PTPRK: variants seen among roughly 807,000 people sequenced by gnomAD.
PTPRK encodes the protein protein tyrosine phosphatase receptor type K.
Under a neutral mutation model 178.0 loss-of-function variants are expected in PTPRK, and 75 were observed. The ratio of observed to expected loss-of-function variants is 0.42; its 90% CI spans 0.35 to 0.51. PTPRK has a LOEUF of 0.51. Among genes scored for constraint, PTPRK ranks in the 20% least tolerant of loss-of-function variants. The probability of loss-of-function intolerance (pLI) is 0.02; values close to 1 mark genes in which losing one functional copy is unlikely to be tolerated. For missense variants in PTPRK, 1,441 were observed against 1,797.8 expected (o/e 0.80, Z 3.59); for synonymous variants, 637 against 620.6 (o/e 1.03, Z -0.39).
chr6:128,289,810 A>G (rs563810278), intron 3 of PTPRK, among the ~76,000 whole-genome samples: 2 of 152,282 alleles, frequency 1.3e-5, no homozygotes, highest in East Asian at 3.9e-4. Flanking sequence ...TAGGTATTTC[A>G]TACTACCATA....
At chr6:128,502,835 A>G (rs937062004) in intron 1 of PTPRK, among the ~76,000 whole-genome samples, 2 of 152,158 alleles carry the variant, frequency 1.3e-5, no homozygotes, top group African/African-American at 4.8e-5. Flanking sequence ...GTGTGTTACT[A>G]TGCATCTCTT....
chr6:127,977,389 G>T (rs1241850075), intron 25 of PTPRK, among the ~76,000 whole-genome samples: 1 of 152,168 alleles, frequency 6.6e-6, no homozygotes, highest in East Asian at 1.9e-4. Flanking sequence ...CCTCTGTAAG[G>T]TTCCTGTTGG....
intron 15 of PTPRK, chr6:128,001,108 T>C: frequency 1.8e-6 from 2 of 1,114,014 alleles, no homozygotes; most frequent in Non-Finnish European, 2.6e-6. Flanking sequence ...CACGTACTAA[T>C]CATTATCCTT....
intron 15 of PTPRK, chr6:128,003,327 AT>A: frequency 8.4e-7 from 1 of 1,197,446 alleles, no homozygotes; most frequent in African/African-American, 1.5e-5. Flanking sequence ...TTCTTAAGAA[AT>A]ATAATTATTA....
chr6:128,238,555 T>C (rs1813783781), intron 5 of PTPRK, among the ~76,000 whole-genome samples: 1 of 152,178 alleles, frequency 6.6e-6, no homozygotes, highest in South Asian at 2.1e-4. Flanking sequence ...AGCTCACAAC[T>C]AAAGCCAAAT....
In PTPRK at chr6:128,325,715, TTGG is replaced by T. The variant is rs1343111236; in HGVS notation, c.224-3408_224-3406del. Among the ~76,000 whole-genome samples, 11 of 152,244 alleles carry T rather than the reference TTGG, an allele frequency of 7.2e-5. No individual in the cohort carries two copies. In the Middle Eastern group the frequency reaches 0.01, roughly 141 times the overall value. On this transcript the variant is annotated intron_variant, in intron 2 of 29. Coordinates refer to ENST00000368226, the MANE Select transcript of PTPRK (RefSeq NM_002844.4). ...GGAGAAATAGGATGTTTTTACACTG[TTGG>T]TGGGAGTGTAAATTAGTTCAACCAT...
At chr6:128,402,036 T>C (rs1313189521) in intron 1 of PTPRK, among the ~76,000 whole-genome samples, 1 of 152,168 alleles carries the variant, frequency 6.6e-6, no homozygotes, top group African/African-American at 2.4e-5. Flanking sequence ...TAAGCTAACT[T>C]TGTCATCTAT....
intron 6 of PTPRK, among the ~76,000 whole-genome samples, chr6:128,191,663 C>A (rs1338061339): frequency 1.3e-5 from 2 of 151,932 alleles, no homozygotes; most frequent in East Asian, 3.9e-4. Flanking sequence ...CAAAAGACCA[C>A]ATTGTACAAC....
chr6:128,138,563 C>T (rs1234276510), intron 7 of PTPRK, among the ~76,000 whole-genome samples: 2 of 152,102 alleles, frequency 1.3e-5, no homozygotes, highest in Admixed American at 1.3e-4. Flanking sequence ...GTTCACCACA[C>T]TGATTTTTTT....
chr6:128,281,125 T>G (rs1189382801), intron 3 of PTPRK, among the ~76,000 whole-genome samples: 1 of 152,180 alleles, frequency 6.6e-6, no homozygotes, highest in African/African-American at 2.4e-5. Flanking sequence ...GGCAGTTTGA[T>G]ATCCTGCTGA....
chr6:128,247,679 T>A (rs966715155), intron 3 of PTPRK, among the ~76,000 whole-genome samples: 2 of 152,192 alleles, frequency 1.3e-5, no homozygotes, highest in Admixed American at 1.3e-4. Flanking sequence ...AATTTCTTCT[T>A]CTATAAAGGA....
chr6:127,976,682 A>G lies in PTPRK; in HGVS notation c.3944T>C (p.Ile1315Thr). 1 of 1,614,062 alleles carries G rather than the reference A, an allele frequency of 6.2e-7. No individual in the cohort carries two copies. The highest frequency in any genetic ancestry group is 8.5e-7 in the Non-Finnish European group (1 of 1,179,984). ...TCTTGTTAGATTGCATATCCTAAAA[A>G]TCCGGTTGATCACATCACAGTCCAT... ...CSMDCDVINR[I>T]FRICNLTRPQ... is the part of the protein sequence containing the mutation. The change falls in exon 27 of 30, where the codon ATT (isoleucine) becomes ACT (threonine). Residue 1315 changes from isoleucine (I) to threonine (T), a missense_variant. By Grantham distance (89) the Ile-to-Thr change is moderately conservative. Transcript: ENST00000368226.
intron 1 of PTPRK, among the ~76,000 whole-genome samples, chr6:128,469,953 G>C (rs1265588368): frequency 6.6e-6 from 1 of 152,132 alleles, no homozygotes; most frequent in Non-Finnish European, 1.5e-5. Context: ...TAGCCCTGCA[G>C]ACCATTTTAT....
chr6:128,174,312 G>A (rs570503718), intron 7 of PTPRK, among the ~76,000 whole-genome samples: 1 of 151,930 alleles, frequency 6.6e-6, no homozygotes, highest in Non-Finnish European at 1.5e-5. Flanking sequence ...AAAGAAGAAG[G>A]AGTGGGGAGG....
At chr6:128,504,601 G>A (rs141376747) in intron 1 of PTPRK, among the ~76,000 whole-genome samples, 38 of 152,264 alleles carry the variant, frequency 2.5e-4, no homozygotes, top group Admixed American at 2.1e-3. Context: ...AGAATTAGCC[G>A]GGAAAGGGCA....
At chr6:127,992,569 AT>A (rs1335182829) in intron 19 of PTPRK, 103 bp downstream of exon 19, 31 of 953,916 alleles carry the variant, frequency 3.2e-5, no homozygotes, top group Admixed American at 5.5e-5. Flanking sequence ...AGAAGGGCTG[AT>A]TTTTTTGTTA....
intron 7 of PTPRK, among the ~76,000 whole-genome samples, chr6:128,124,971 C>T (rs1793103278): frequency 1.3e-5 from 2 of 152,208 alleles, no homozygotes; most frequent in South Asian, 2.1e-4. Flanking sequence ...CTAGAACTAC[C>T]ATTGACTCTC....
chr6:128,017,896 C>T (rs1343590963), intron 13 of PTPRK, among the ~76,000 whole-genome samples: 1 of 145,316 alleles, frequency 6.9e-6, no homozygotes, highest in Non-Finnish European at 1.5e-5. Flanking sequence ...AATGTATCCA[C>T]AGATGTGTCC....
At chr6:128,037,024 T>A (rs1294654339) in intron 13 of PTPRK, among the ~76,000 whole-genome samples, 2 of 151,994 alleles carry the variant, frequency 1.3e-5, no homozygotes, top group Admixed American at 6.6e-5. Flanking sequence ...AAGCCGCCGC[T>A]CCCCGCCCTC....
Sources: gnomAD v4.1 joint callset for allele counts (sites outside exome capture counted in the v4.1 genomes callset) on GRCh38, gnomAD v4.1.1 for gene constraint, MANE v1.5 for transcripts, NCBI Gene and HGNC (gene_info 2026-07-23, HGNC 2026-07-21) for gene names.